Variants in BAZ1A observed in about 807,000 individuals in gnomAD.
BAZ1A encodes bromodomain adjacent to zinc finger domain protein 1A.
BAZ1A carries 50 observed loss-of-function variants against 185.2 expected under a neutral mutation model. That is an observed-to-expected ratio of 0.27 (90% CI 0.22 to 0.34). The LOEUF is 0.34. BAZ1A is among the 10% of genes least tolerant of loss of function. The pLI, the probability that BAZ1A is intolerant of heterozygous loss-of-function variation, is 1.00. For synonymous variants in BAZ1A, 571 were observed against 615.6 expected, an observed-to-expected ratio of 0.93 and a Z score of 1.07; for missense variants, 1,356 against 1,839.9, an observed-to-expected ratio of 0.74 and a Z score of 4.81.
In BAZ1A at chr14:34,765,243, A is replaced by G; in HGVS notation, c.3327T>C (p.Tyr1109=). 6.2e-7 allele frequency: 1 copy of G among 1,614,016 alleles called. No homozygotes were observed. Among genetic ancestry groups the G allele is most frequent in the Non-Finnish European group, 8.5e-7 (1 of 1,179,978 alleles). The change falls in exon 22 of 27, where the codon TAT becomes TAC. Residue 1109 remains tyrosine, a synonymous_variant. Transcript: ENST00000360310. The part of the protein sequence containing the change: ...PLDASDSGRS[Y]KTVLDRWRES... ...CTCTCCAACGGTCCAGAACTGTTTT[A>G]TAAGAACGCCCACTGTCACTGGCAT...
At chr14:34,767,132 C>T (rs546250292) in intron 21 of BAZ1A, among the ~76,000 whole-genome samples, 36 of 152,220 alleles carry the variant, frequency 2.4e-4, no homozygotes, top group African/African-American at 8.4e-4. Flanking sequence ...CCATCTTTAT[C>T]TATGTTGTTT....
At chr14:34,762,656 G>A (rs1331846898) in intron 23 of BAZ1A, among the ~76,000 whole-genome samples, 1 of 151,998 alleles carries the variant, frequency 6.6e-6, no homozygotes, top group Non-Finnish European at 1.5e-5. Flanking sequence ...TTTTTGTAGA[G>A]ATGGGGTTTT....
intron 14 of BAZ1A, among the ~76,000 whole-genome samples, chr14:34,784,943 G>A (rs1401245727): frequency 6.6e-6 from 1 of 152,142 alleles, no homozygotes; most frequent in Non-Finnish European, 1.5e-5. Flanking sequence ...AGCAACCTCT[G>A]CCTCCTGGGT....
intron 3 of BAZ1A, among the ~76,000 whole-genome samples, chr14:34,843,762 A>G (rs1333013637): frequency 6.6e-6 from 1 of 152,148 alleles, no homozygotes; most frequent in Non-Finnish European, 1.5e-5. Flanking sequence ...TCTTTCTACT[A>G]TATCAAGCCA....
intron 24 of BAZ1A, among the ~76,000 whole-genome samples, chr14:34,759,972 G>A (rs1484501634): frequency 6.6e-6 from 1 of 152,166 alleles, no homozygotes; most frequent in East Asian, 1.9e-4. Context: ...ACTGCACTTG[G>A]CCACAGATCT....
intron 9 of BAZ1A, among the ~76,000 whole-genome samples, chr14:34,797,823 C>A (rs148567064): frequency 1.3e-5 from 2 of 151,950 alleles, no homozygotes; most frequent in African/African-American, 2.4e-5. Flanking sequence ...GAGGGCGAGC[C>A]GAAGCAGGGC....
At chr14:34,789,115 A>G (rs753590684) in intron 12 of BAZ1A, among the ~76,000 whole-genome samples, 1 of 152,230 alleles carries the variant, frequency 6.6e-6, no homozygotes, top group Non-Finnish European at 1.5e-5. Flanking sequence ...GAAAAATACT[A>G]GACCTAAAAT....
intron 6 of BAZ1A, among the ~76,000 whole-genome samples, chr14:34,805,715 T>C (rs184731275): frequency 1.4e-3 from 215 of 152,354 alleles, no homozygotes; most frequent in Admixed American, 3.9e-3. Context: ...CAGATGACGC[T>C]ATCTTACGTT....
chr14:34,755,731 C>CAT (rs140471249), intron 25 of BAZ1A, among the ~76,000 whole-genome samples: 42,407 of 150,968 alleles, frequency 0.28, 6,315 homozygotes, highest in Non-Finnish European at 0.36. Flanking sequence ...CACATTCTGC[C>CAT]ATATATATAT....
At chr14:34,780,588 A>G (rs777847662) in intron 16 of BAZ1A, among the ~76,000 whole-genome samples, 1 of 152,228 alleles carries the variant, frequency 6.6e-6, no homozygotes, top group East Asian at 1.9e-4. Context: ...TGAAGAAGTG[A>G]TATTTTACAA....
chr14:34,833,864 T>C lies in BAZ1A; in HGVS notation c.393-7708A>G, dbSNP rs145281985. Among the ~76,000 whole-genome samples the C allele has an allele frequency of 1.4e-4, 21 of 152,228 alleles. 1 individual carries two copies. The highest frequency in any genetic ancestry group is 4.6e-4 in the African/African-American group (19 of 41,538). On this transcript the variant is annotated intron_variant, in intron 3 of 26. Transcript: ENST00000360310. The stretch of plus-strand genomic sequence containing the variant: ...TAAAATGACAAAAATAGTAAAAATT[T>C]TATGTTTATTTTACTAAAATAAAAA...
intron 3 of BAZ1A, among the ~76,000 whole-genome samples, chr14:34,840,524 C>T (rs577003391): frequency 1.3e-5 from 2 of 152,108 alleles, no homozygotes; most frequent in Non-Finnish European, 2.9e-5. Flanking sequence ...TTTAGGAGGC[C>T]GAGGCAGGTG....
At chr14:34,808,938 A>G (rs2041889961) in intron 5 of BAZ1A, among the ~76,000 whole-genome samples, 1 of 152,224 alleles carries the variant, frequency 6.6e-6, no homozygotes, top group Non-Finnish European at 1.5e-5. Flanking sequence ...CCAAAAATGT[A>G]TACAGTTAGC....
At chr14:34,873,391 A>G (rs1280609551) in intron 2 of BAZ1A, among the ~76,000 whole-genome samples, 1 of 152,202 alleles carries the variant, frequency 6.6e-6, no homozygotes, top group Non-Finnish European at 1.5e-5. Flanking sequence ...TCTCACTTAG[A>G]GATCCTGTTT....
At chr14:34,754,254 CAAAA>C (rs59411665) in intron 26 of BAZ1A, among the ~76,000 whole-genome samples, 1 of 97,314 alleles carries the variant, frequency 1.0e-5, no homozygotes, top group Non-Finnish European at 2.1e-5. Context: ...TCCATCATCT[CAAAA>C]AAAAAAAAAA....
At chr14:34,765,965 C>G (rs1878810816) in intron 21 of BAZ1A, among the ~76,000 whole-genome samples, 1 of 152,152 alleles carries the variant, frequency 6.6e-6, no homozygotes, top group African/African-American at 2.4e-5. Context: ...GTATATAAGA[C>G]TCCATACATA....
intron 20 of BAZ1A, 75 bp downstream of exon 20, chr14:34,773,497 A>T: frequency 1.6e-6 from 2 of 1,284,546 alleles, no homozygotes; most frequent in Non-Finnish European, 1.0e-6. Context: ...ATATTTACTT[A>T]AAAACCAAAA....
At chr14:34,781,586 G>C (rs953426675) in intron 16 of BAZ1A, among the ~76,000 whole-genome samples, 2 of 150,514 alleles carry the variant, frequency 1.3e-5, no homozygotes, top group African/African-American at 4.9e-5. Flanking sequence ...GCACAATTTC[G>C]GCTCATTGCA....
At position 34,776,324 on chromosome 14, in the gene BAZ1A, T is replaced by G. The variant is rs758142566; in HGVS notation, c.2428A>C (p.Met810Leu). The change falls in exon 18 of 27, where the codon ATG becomes CTG. Residue 810 changes from methionine (M) to leucine (L), a missense_variant. Met to Leu is a conservative substitution (Grantham distance 15). Transcript: ENST00000360310. Reference sequence around the variant, plus strand: ...GGGAAAATCCAGTATCGTCTATACATGCGGTCGCGACCCAAGGGAAAGATA... The same window carrying G: ...GGGAAAATCCAGTATCGTCTATACAGGCGGTCGCGACCCAAGGGAAAGATA... ...TNIFPLGRDR[M>L]YRRYWIFPSI... 1 of 1,614,146 alleles carries G rather than the reference T, an allele frequency of 6.2e-7. No homozygotes were observed. Among genetic ancestry groups the G allele is most frequent in the Non-Finnish European group, 8.5e-7 (1 of 1,180,020 alleles).
Sources: allele counts gnomAD v4.1 joint callset (sites outside exome capture counted in the v4.1 genomes callset), GRCh38; gene constraint gnomAD v4.1.1; transcripts MANE v1.5; gene names NCBI Gene and HGNC (gene_info 2026-07-23, HGNC 2026-07-21).